The following TRPC7 variants were observed in gnomAD, a reference collection of about 807,000 sequenced individuals.
The protein encoded by TRPC7 is short transient receptor potential channel 7.
In TRPC7, 42 loss-of-function variants were observed where a neutral mutation model predicts 90.1. The ratio of observed to expected loss-of-function variants is 0.47; its 90% CI spans 0.36 to 0.60. The LOEUF (loss-of-function observed/expected upper bound fraction) is 0.60. Among genes scored for constraint, TRPC7 ranks in the 20% least tolerant of loss-of-function variants. TRPC7 has a pLI of 0.00. For synonymous variants in TRPC7, 451 were observed against 436.3 expected (o/e 1.03, Z -0.42); for missense variants, 955 against 1,112.3 (o/e 0.86, Z 2.01).
intron 3 of TRPC7, among the ~76,000 whole-genome samples, chr5:136,288,114 T>G (rs1757792874): frequency 6.6e-6 from 1 of 152,216 alleles, no homozygotes; most frequent in African/African-American, 2.4e-5. Context: ...TAGATTTTTT[T>G]TTTACAAAGG....
intron 2 of TRPC7, 87 bp downstream of exon 2, chr5:136,356,521 G>C: frequency 7.5e-7 from 1 of 1,324,808 alleles, no homozygotes; most frequent in Non-Finnish European, 1.0e-6. Context: ...CTCTTTCTTA[G>C]ATTTGAAGAC....
intron 7 of TRPC7, among the ~76,000 whole-genome samples, chr5:136,243,592 C>T (rs1404630492): frequency 6.6e-6 from 1 of 151,694 alleles, no homozygotes. Flanking sequence ...AGTTGTTTGA[C>T]TTCATCATCA....
intron 3 of TRPC7, among the ~76,000 whole-genome samples, chr5:136,275,923 G>A (rs1260437819): frequency 6.6e-6 from 1 of 152,202 alleles, no homozygotes; most frequent in African/African-American, 2.4e-5. Context: ...GAAAGAGGCT[G>A]AGCTAGTGTT....
chr5:136,251,361 G>C (rs1317999075), intron 6 of TRPC7, among the ~76,000 whole-genome samples: 1 of 152,118 alleles, frequency 6.6e-6, no homozygotes, highest in Non-Finnish European at 1.5e-5. Flanking sequence ...CTACAGAAAT[G>C]TTCCCAAGGG....
In TRPC7 at chr5:136,213,003, TG is replaced by T. The variant is rs200742512; in HGVS notation, c.*431del. ...ACCTCCTGGTTCTGTTTGGATGTGT[TG>T]GGGGTGGCAGGGAGGGAGTGAGAAG... On this transcript the variant is annotated 3_prime_UTR_variant, in exon 12 of 12. Transcript: ENST00000513104. Among the ~76,000 whole-genome samples the T allele has an allele frequency of 4.1e-3, 620 of 152,218 alleles. 4 individuals are homozygous for T. Among genetic ancestry groups the T allele is most frequent in the African/African-American group, 0.014 (563 of 41,540 alleles).
At chr5:136,231,630 G>GTGAGACCCT in intron 7 of TRPC7, 81 bp from the exon 8 acceptor site, 1 of 1,303,850 alleles carries the variant, frequency 7.7e-7, no homozygotes, top group Non-Finnish European at 1.0e-6. Flanking sequence ...CTTGAGACAG[G>GTGAGACCCT]GTCTCACTCT....
At chr5:136,302,219 T>G (rs530217997) in intron 3 of TRPC7, among the ~76,000 whole-genome samples, 1 of 152,320 alleles carries the variant, frequency 6.6e-6, no homozygotes, top group South Asian at 2.1e-4. Context: ...CCTCTCTGAT[T>G]ATTCACCATT....
chr5:136,342,159 C>A (rs3777150), intron 2 of TRPC7, among the ~76,000 whole-genome samples: 40,292 of 152,098 alleles, frequency 0.26, 6,485 homozygotes, highest in Admixed American at 0.38. Flanking sequence ...AATATAGCCT[C>A]AACTAAGAAT....
intron 2 of TRPC7, among the ~76,000 whole-genome samples, chr5:136,343,056 C>A (rs545060691): frequency 4.6e-5 from 7 of 151,802 alleles, no homozygotes; most frequent in Non-Finnish European, 1.0e-4. Flanking sequence ...CAGAGAAAAG[C>A]AAAAACTGAA....
intron 9 of TRPC7, 149 bp downstream of exon 9, chr5:136,225,885 C>T: frequency 1.5e-6 from 1 of 656,452 alleles, no homozygotes; most frequent in South Asian, 1.9e-5. Flanking sequence ...CAGATGTGTC[C>T]AGGTAGACTC....
At chr5:136,353,009 C>T (rs1760249248) in intron 2 of TRPC7, among the ~76,000 whole-genome samples, 1 of 152,148 alleles carries the variant, frequency 6.6e-6, no homozygotes, top group Non-Finnish European at 1.5e-5. Context: ...ACTTTATTCC[C>T]TTCATCAAGT....
intron 10 of TRPC7, among the ~76,000 whole-genome samples, chr5:136,224,408 C>T (rs1470541075): frequency 6.6e-6 from 1 of 152,150 alleles, no homozygotes; most frequent in Non-Finnish European, 1.5e-5. Context: ...ACAGACTTGG[C>T]AGGCTGGCAG....
At position 136,337,793 on chromosome 5, in the gene TRPC7, G is replaced by A. The variant is rs933231950; in HGVS notation, c.780+18815C>T. Among the ~76,000 whole-genome samples the A allele has an allele frequency of 3.9e-5, 6 of 152,146 alleles. 1 individual carries two copies. The highest frequency in any genetic ancestry group is 1.4e-4 in the African/African-American group (6 of 41,442). On this transcript the variant is annotated intron_variant, in intron 2 of 11. Transcript: ENST00000513104. Reference sequence around the variant, plus strand: ...AATTAACAATTACCAGAGAAGAGAAGTTGTCATCAGAAAGACTCTTGGTCC... The same window carrying A: ...AATTAACAATTACCAGAGAAGAGAAATTGTCATCAGAAAGACTCTTGGTCC...
At chr5:136,231,987 C>T (rs1755831746) in intron 7 of TRPC7, among the ~76,000 whole-genome samples, 1 of 152,084 alleles carries the variant, frequency 6.6e-6, no homozygotes, top group Non-Finnish European at 1.5e-5. Flanking sequence ...TGGGGCTGGG[C>T]TGGTTGGTGA....
At chr5:136,236,822 T>C (rs943572681) in intron 7 of TRPC7, among the ~76,000 whole-genome samples, 3 of 152,068 alleles carry the variant, frequency 2.0e-5, no homozygotes, top group Non-Finnish European at 4.4e-5. Context: ...TATCTCTCTC[T>C]CCCCACTGCC....
intron 3 of TRPC7, among the ~76,000 whole-genome samples, chr5:136,282,452 T>G (rs1439575287): frequency 6.6e-6 from 1 of 152,228 alleles, no homozygotes; most frequent in African/African-American, 2.4e-5. Context: ...CATAATTATT[T>G]TAAAATGACA....
Position 136,213,547 on chromosome 5 carries a change from T to C in TRPC7, c.2477A>G (p.Glu826Gly). ...ISSLRYELLE[E>G]KSQATGELAD... is the part of the protein sequence containing the mutation. Reference sequence around the variant, plus strand: ...CAGCTCACCAGTAGCTTGAGATTTTTCCTCAAGAAGCTCATAGCGCAGGCT... The same window carrying C: ...CAGCTCACCAGTAGCTTGAGATTTTCCCTCAAGAAGCTCATAGCGCAGGCT... The change falls in exon 12 of 12, where the codon GAA (glutamate) becomes GGA (glycine). Residue 826 changes from glutamate (E) to glycine (G), a missense_variant. Glu to Gly is a moderately conservative substitution (Grantham distance 98, BLOSUM62 -2). Around this residue, in one of 4 missense-constraint regions of TRPC7, gnomAD observed 296 missense variants for 422.7 expected, o/e 0.70. Coordinates refer to ENST00000513104, the MANE Select transcript of TRPC7 (RefSeq NM_020389.3). The C allele has an allele frequency of 6.2e-7, 1 of 1,614,058 alleles. No homozygotes were observed. Among genetic ancestry groups the C allele is most frequent in the Non-Finnish European group, 8.5e-7 (1 of 1,179,896 alleles).
intron 2 of TRPC7, among the ~76,000 whole-genome samples, chr5:136,328,811 T>C (rs1022735746): frequency 6.6e-6 from 1 of 152,230 alleles, no homozygotes; most frequent in African/African-American, 2.4e-5. Flanking sequence ...GATCTTCAAG[T>C]GCCTCATCTA....
chr5:136,217,203 C>G (rs927959536), intron 10 of TRPC7, among the ~76,000 whole-genome samples: 2 of 152,194 alleles, frequency 1.3e-5, no homozygotes, highest in Non-Finnish European at 2.9e-5. Context: ...GCCTTCTGAC[C>G]TGCTCACACC....
Sources: allele counts gnomAD v4.1 joint callset (sites outside exome capture counted in the v4.1 genomes callset), GRCh38; gene constraint gnomAD v4.1.1; regional missense constraint gnomAD v4.1.1; transcripts MANE v1.5; gene names NCBI Gene and HGNC (gene_info 2026-07-23, HGNC 2026-07-21).